METTL6: variants seen among roughly 807,000 people sequenced by gnomAD.
The protein encoded by METTL6 is tRNA N(3)-cytidine methyltransferase METTL6.
A neutral mutation model predicts 26.4 loss-of-function variants in METTL6; 22 were observed. That is an observed-to-expected ratio of 0.83 (90% CI 0.59 to 1.19). The LOEUF is 1.19. Ranked by LOEUF, METTL6 falls within the 50% of genes most tolerant of loss-of-function variation. The pLI is 0.00. For missense variants in METTL6, 304 were observed against 324.8 expected (o/e 0.94, Z 0.49); for synonymous variants, 109 against 116.2 (o/e 0.94, Z 0.40).
In METTL6 at chr3:15,403,863, A is replaced by AT. The variant is rs112321256; in HGVS notation, c.*11+7381dup. On this transcript the variant is annotated intron_variant, in intron 6 of 6. Transcript: ENST00000443029. ...TGATTATATGCTAAACAAGGGGTGG[A>AT]TTATTCATGCCTCCCCTTTTTAGAT... Among the ~76,000 whole-genome samples the AT allele has an allele frequency of 7.6e-3, 1,155 of 152,262 alleles. 23 individuals carry two copies. The highest frequency in any genetic ancestry group is 0.027 in the African/African-American group (1,107 of 41,546).
intron 6 of METTL6, among the ~76,000 whole-genome samples, chr3:15,396,158 C>T (rs1377626154): frequency 6.6e-6 from 1 of 152,130 alleles, no homozygotes; most frequent in African/African-American, 2.4e-5. Flanking sequence ...TGGTCTTTTC[C>T]CAGAGTCCCA....
intron 3 of METTL6, among the ~76,000 whole-genome samples, chr3:15,416,783 C>T (rs996534429): frequency 1.3e-5 from 2 of 152,114 alleles, no homozygotes; most frequent in African/African-American, 4.8e-5. Flanking sequence ...TGAAGAAAAA[C>T]ATTAAACTTC....
At chr3:15,408,561 TC>T (rs1440394410), downstream of METTL6, among the ~76,000 whole-genome samples, 2 of 66,914 alleles carry the variant, frequency 3.0e-5, no homozygotes, top group African/African-American at 7.7e-5. Flanking sequence ...TGCTCCTTGC[TC>T]TTTTTTTTTT....
chr3:15,411,269 T>G lies in METTL6; in HGVS notation c.842A>C (p.Asp281Ala). 1 of 1,613,146 alleles carries G rather than the reference T, an allele frequency of 6.2e-7. No homozygotes were observed. The highest frequency in any genetic ancestry group is 8.5e-7 in the Non-Finnish European group (1 of 1,179,750). ...KNPSPVVLGLDPKS is the reference protein window; with the variant it reads ...KNPSPVVLGLAPKS ...CCTCATGAAAGGTCAGGACTTAGGA[T>G]CCAGGCCCAGGACCACAGGAGATGG... Residue 281 changes from aspartate to alanine, a missense_variant, in exon 6 of 6, where the codon GAT becomes GCT. Physicochemically the swap from Asp to Ala is moderately radical, Grantham distance 126. Transcript: ENST00000383790.
In METTL6 at chr3:15,390,166, G is replaced by T. The variant is rs9855103; in HGVS notation, c.*12-5979C>A. ...GAGGCTAGGGGACACAATGGGTCAC[G>T]CCTGTAATCCCAGCACTTCAGGAGG... is the stretch of plus-strand genomic sequence containing the variant. On this transcript the variant is annotated intron_variant, in intron 6 of 6. Coordinates refer to the METTL6 transcript ENST00000443029. 1.6e-3 allele frequency among the ~76,000 whole-genome samples: 239 copies of T among 152,188 alleles called. 1 individual carries two copies. Among genetic ancestry groups the T allele is most frequent in the African/African-American group, 5.5e-3 (227 of 41,526 alleles).
chr3:15,391,867 A>G (rs183333078), intron 6 of METTL6, among the ~76,000 whole-genome samples: 11 of 152,232 alleles, frequency 7.2e-5, no homozygotes, highest in Non-Finnish European at 1.0e-4. Flanking sequence ...CATAGTGTAT[A>G]TGCACCACAT....
chr3:15,412,523 C>T (rs1029924885), intron 5 of METTL6, among the ~76,000 whole-genome samples: 11 of 151,916 alleles, frequency 7.2e-5, no homozygotes, highest in East Asian at 1.9e-4. Context: ...CTCGCCCTGT[C>T]GCCCAGGCTG....
At chr3:15,396,981 G>A (rs1037948957) in intron 6 of METTL6, among the ~76,000 whole-genome samples, 10 of 152,168 alleles carry the variant, frequency 6.6e-5, no homozygotes, top group Non-Finnish European at 1.0e-4. Context: ...CTCCAGCTGC[G>A]TGCTGGAAGA....
chr3:15,391,096 T>C (rs997797105), intron 6 of METTL6, among the ~76,000 whole-genome samples: 5 of 152,186 alleles, frequency 3.3e-5, no homozygotes, highest in African/African-American at 7.2e-5. Flanking sequence ...CATCTACCCA[T>C]AGTCTCCAAC....
chr3:15,426,670 GT>G, intron 1 of METTL6, 35 bp from the exon 2 acceptor site: 1 of 665,254 alleles, frequency 1.5e-6, no homozygotes, highest in Non-Finnish European at 2.5e-6. Context: ...CTGGTTAGTG[GT>G]TACAGTTCAA....
At chr3:15,387,164 T>C (rs1304439797) in intron 6 of METTL6, among the ~76,000 whole-genome samples, 1 of 152,174 alleles carries the variant, frequency 6.6e-6, no homozygotes, top group Admixed American at 6.5e-5. Flanking sequence ...CCAATTGTTA[T>C]TTTAGAGAGA....
chr3:15,403,914 C>T (rs912511624), intron 6 of METTL6, among the ~76,000 whole-genome samples: 14 of 152,148 alleles, frequency 9.2e-5, no homozygotes, highest in Non-Finnish European at 1.5e-5. Context: ...CCTGACATTG[C>T]CATGGCATTT....
chr3:15,406,621 TATATATATAG>T (rs1159431698), downstream of METTL6, among the ~76,000 whole-genome samples: 164 of 41,100 alleles, frequency 4.0e-3, no homozygotes, highest in African/African-American at 4.2e-3. Context: ...TATATATATA[TATATATATAG>T]AGAGAGAGAG....
chr3:15,402,095 G>T (rs912055232), intron 6 of METTL6, among the ~76,000 whole-genome samples: 1 of 152,134 alleles, frequency 6.6e-6, no homozygotes, highest in African/African-American at 2.4e-5. Context: ...TTGCTGCCCA[G>T]ATAGAGCCAG....
upstream of METTL6, chr3:15,427,554 C>T (rs2061757289): frequency 3.6e-6 from 2 of 552,208 alleles, no homozygotes; most frequent in East Asian, 6.6e-5. Context: ...CCCGGAAGTT[C>T]CTACCCGACG....
chr3:15,390,396 C>T (rs989531593), intron 6 of METTL6, among the ~76,000 whole-genome samples: 1 of 152,040 alleles, frequency 6.6e-6, no homozygotes, highest in Non-Finnish European at 1.5e-5. Context: ...CCACTGCACT[C>T]CAGCCTGGGT....
chr3:15,407,176 C>T (rs1260497321), downstream of METTL6, among the ~76,000 whole-genome samples: 3 of 151,990 alleles, frequency 2.0e-5, no homozygotes, highest in Admixed American at 2.0e-4. Context: ...TGCACCACCA[C>T]GCCCAGCTAA....
chr3:15,403,391 C>T (rs995163657), intron 6 of METTL6, among the ~76,000 whole-genome samples: 1 of 152,168 alleles, frequency 6.6e-6, no homozygotes. Context: ...TCTTATAGAT[C>T]TAGACATGTT....
downstream of METTL6, among the ~76,000 whole-genome samples, chr3:15,409,205 A>G (rs555851112): frequency 6.6e-6 from 1 of 152,232 alleles, no homozygotes; most frequent in South Asian, 2.1e-4. Flanking sequence ...CAGAACCACT[A>G]TGACTATTAT....
Sources: gnomAD v4.1 joint callset for allele counts (sites outside exome capture counted in the v4.1 genomes callset) on GRCh38, gnomAD v4.1.1 for gene constraint, MANE v1.5 for transcripts, NCBI Gene and HGNC (gene_info 2026-07-23, HGNC 2026-07-21) for gene names.